The following COL6A3 variants were observed in gnomAD, a reference collection of about 807,000 sequenced individuals.
COL6A3 encodes collagen type VI alpha 3 chain, also known as collagen alpha-3(VI) chain.
A neutral mutation model predicts 274.1 loss-of-function variants in COL6A3; 137 were observed. The ratio of observed to expected loss-of-function variants is 0.50; its 90% confidence interval spans 0.44 to 0.58. COL6A3 has a LOEUF of 0.58. Among genes scored for constraint, COL6A3 ranks in the 20% least tolerant of loss-of-function variants. The pLI, the probability that COL6A3 is intolerant of heterozygous loss-of-function variation, is 0.00. For missense variants in COL6A3, 3,950 were observed against 4,124.9 expected (o/e 0.96, Z 1.16); for synonymous variants, 1,650 against 1,650.6 (o/e 1.00, Z 0.01).
In COL6A3 at chr2:237,325,632, A is replaced by G. The variant is rs376564469; in HGVS notation, c.9421T>C (p.Trp3141Arg). Reference protein sequence around the residue: ...DPNTKSCARFWYGGCGGNENK... With the variant: ...DPNTKSCARFRYGGCGGNENK... The stretch of plus-strand genomic sequence containing the variant: ...TCGTTTCCACCACAACCTCCATACC[A>G]GAATCTTGCACAGCTTTTGGTGTTT... Residue 3141 changes from tryptophan (W) to arginine (R), a missense_variant, in exon 43 of 44, where the codon TGG becomes CGG. Around this residue, in one of 5 missense-constraint regions of COL6A3, gnomAD observed 1,284 missense variants for 1,349.7 expected, o/e 0.95. Coordinates refer to ENST00000295550, the MANE Select transcript of COL6A3 (RefSeq NM_004369.4). The G allele has an allele frequency of 1.2e-6, 2 of 1,614,094 alleles. No homozygotes were observed. The highest frequency in any genetic ancestry group is 2.7e-5 in the African/African-American group (2 of 74,934).
chr2:237,404,945 TGGA>T (rs1393534370), intron 1 of COL6A3, among the ~76,000 whole-genome samples: 1 of 152,188 alleles, frequency 6.6e-6, no homozygotes, highest in Admixed American at 6.5e-5. Context: ...TGTGAATCTT[TGGA>T]GGAGTAGCCC....
intron 1 of COL6A3, among the ~76,000 whole-genome samples, chr2:237,397,159 G>A (rs576969570): frequency 1.1e-4 from 16 of 139,572 alleles, no homozygotes; most frequent in Middle Eastern, 4.0e-3. Flanking sequence ...GGAAGAGAAG[G>A]GAAGGGAAGG....
intron 4 of COL6A3, among the ~76,000 whole-genome samples, chr2:237,384,589 C>T (rs145134144): frequency 1.3e-5 from 2 of 152,080 alleles, no homozygotes; most frequent in Non-Finnish European, 2.9e-5. Context: ...ACTCCAGACC[C>T]CCATCAGGAG....
At chr2:237,327,581 A>T (rs1307928505) in intron 42 of COL6A3, 1 of 152,200 alleles carries the variant, frequency 6.6e-6, no homozygotes, top group African/African-American at 2.4e-5. Context: ...TTACTAGTGG[A>T]AAATAAGGAC....
At chr2:237,402,712 G>A (rs1004781724) in intron 1 of COL6A3, among the ~76,000 whole-genome samples, 2 of 152,160 alleles carry the variant, frequency 1.3e-5, no homozygotes, top group African/African-American at 4.8e-5. Context: ...CATGAAAGTG[G>A]GAAAGAATCT....
intron 9 of COL6A3, among the ~76,000 whole-genome samples, chr2:237,370,528 C>G (rs936217049): frequency 6.6e-6 from 1 of 152,182 alleles, no homozygotes; most frequent in Non-Finnish European, 1.5e-5. Context: ...TGAGCCACCA[C>G]GCCCAGCCTA....
At position 237,340,713 on chromosome 2, in the gene COL6A3, C is replaced by A. The variant is rs777282155; in HGVS notation, c.8203G>T (p.Asp2735Tyr). 4.3e-6 allele frequency: 7 copies of A among 1,614,084 alleles called. No individual in the cohort carries two copies. The highest frequency in any genetic ancestry group is 5.9e-6 in the Non-Finnish European group (7 of 1,180,052). Residue 2735 changes from aspartate to tyrosine, a missense_variant, in exon 38 of 44, where the codon GAC becomes TAC. Asp to Tyr is a radical substitution (Grantham distance 160, BLOSUM62 -3). Around this residue, in one of 5 missense-constraint regions of COL6A3, gnomAD observed 1,284 missense variants for 1,349.7 expected, o/e 0.95. Coordinates refer to ENST00000295550, the MANE Select transcript of COL6A3 (RefSeq NM_004369.4). ...NVFESAPNPR[D>Y]LKIVVLMLTG... is the part of the protein sequence containing the mutation. ...AGCATCAGGACCACAATTTTCAGGT[C>A]CCGTGGGTTTGGGGCACTTTCAAAG...
At chr2:237,327,184 A>T (rs950298859) in intron 42 of COL6A3, 7 of 152,178 alleles carry the variant, frequency 4.6e-5, no homozygotes, top group Admixed American at 1.3e-4. Flanking sequence ...TAACCATCAA[A>T]ATTTATTCCT....
rs752144727 is a variant in COL6A3 at position 237,363,320 on chromosome 2, C to T, written c.5996G>A (p.Gly1999Glu). Residue 1999 changes from glycine (G) to glutamate (E), a missense_variant, in exon 14 of 44, where the codon GGG (glycine) becomes GAG (glutamate). This residue lies in a region of COL6A3 where 632 missense variants were observed against 623.4 expected (regional missense o/e 1.01). Coordinates refer to ENST00000295550, the MANE Select transcript of COL6A3 (RefSeq NM_004369.4). ...CCTCAGGGGCCTGTCATACATAAAC[C>T]CTCGCCCAAACTCCAGATGCATTAG... is the stretch of plus-strand genomic sequence containing the variant. ...ERLMHLEFGR[G>E]FMYDRPLRLN... The T allele has an allele frequency of 1.2e-6, 2 of 1,613,934 alleles. No homozygotes were observed. The highest frequency in any genetic ancestry group is 1.7e-6 in the Non-Finnish European group (2 of 1,180,014).
intron 42 of COL6A3, among the ~76,000 whole-genome samples, chr2:237,332,117 A>ATATG (rs35490728): frequency 0.013 from 836 of 64,170 alleles, 188 homozygotes; most frequent in Middle Eastern, 0.024. Flanking sequence ...ATATATATAT[A>ATATG]TGAAAAGAAA....
chr2:237,350,045 C>A (rs75203227), intron 28 of COL6A3, 102 bp downstream of exon 28: 3 of 1,105,708 alleles, frequency 2.7e-6, no homozygotes, highest in Non-Finnish European at 4.2e-6. Flanking sequence ...CCCAATAATA[C>A]AAGAAGCAAG....
At chr2:237,337,049 A>C (rs1443101012) in intron 39 of COL6A3, among the ~76,000 whole-genome samples, 1 of 152,078 alleles carries the variant, frequency 6.6e-6, no homozygotes, top group Non-Finnish European at 1.5e-5. Flanking sequence ...ATTTTTGTGT[A>C]TGTGTATTTT....
intron 4 of COL6A3, 80 bp downstream of exon 4, chr2:237,387,502 C>T: frequency 1.2e-6 from 2 of 1,606,106 alleles, no homozygotes; most frequent in Non-Finnish European, 1.7e-6. Flanking sequence ...GCGAATCATG[C>T]TGGTACCCAC....
At chr2:237,343,011 T>C (rs1364717542) in intron 36 of COL6A3, 2 of 152,284 alleles carry the variant, frequency 1.3e-5, no homozygotes, top group East Asian at 3.9e-4. Context: ...CCTGCCCCAG[T>C]CTCAATTTAC....
At chr2:237,360,493 C>T (rs1169842983) in intron 16 of COL6A3, among the ~76,000 whole-genome samples, 4 of 152,158 alleles carry the variant, frequency 2.6e-5, no homozygotes, top group Non-Finnish European at 5.9e-5. Context: ...ACAGCTCCTC[C>T]AAGTGATGCT....
In COL6A3 at chr2:237,344,584, C is replaced by A. The variant is rs776779589; in HGVS notation, c.7434G>T (p.Val2478=). ...VLLDKIKNLQ[V]ALTSKQQSLE... is the part of the protein sequence containing the mutation. Reference sequence around the variant, plus strand: ...GACTCTGCTGTTTGGATGTCAGAGCCACCTGAAGGTTCTTAATCTTGTCCA... The same window carrying A: ...GACTCTGCTGTTTGGATGTCAGAGCAACCTGAAGGTTCTTAATCTTGTCCA... The change falls in exon 36 of 44, where the codon GTG becomes GTT. Residue 2478 remains valine, a synonymous_variant. Coordinates refer to ENST00000295550, the MANE Select transcript of COL6A3 (RefSeq NM_004369.4). This position sits in a 1 kb window ranked among gnomAD's most constrained non-coding sequence, Gnocchi z 4.8. 6.2e-7 allele frequency: 1 copy of A among 1,614,190 alleles called. No individual in the cohort carries two copies. The highest frequency in any genetic ancestry group is 1.7e-5 in the Admixed American group (1 of 60,024).
chr2:237,361,269 C>A lies in COL6A3; in HGVS notation c.6157-95G>T. The A allele has an allele frequency of 9.2e-7, 1 of 1,085,930 alleles. No homozygotes were observed. Among genetic ancestry groups the A allele is most frequent in the African/African-American group, 1.6e-5 (1 of 64,420 alleles). 67.3% of individuals were successfully genotyped at this position (1,085,930 alleles called of 1,614,324 possible). ...GGTCCCCCTTCATTTGGCAGAGCAG[C>A]ACTAAAACTCAGCATGGCTTTCCCT... On this transcript the variant is annotated intron_variant, in intron 15 of 43. Transcript: ENST00000295550. This position sits in a 1 kb window ranked among gnomAD's most constrained non-coding sequence, Gnocchi z 5.1.
rs768565371 is a variant in COL6A3, at chr2:237,387,644, G to C, written c.1250C>G (p.Pro417Arg). The change falls in exon 4 of 44, where the codon CCG becomes CGG. Residue 417 changes from proline (P) to arginine (R), a missense_variant. Transcript: ENST00000295550. ...CCTTTGGGCCACGCCAACAATGTAC[G>C]GCAGTAATTTCTCCTGGAGGTCCCC... ...SFGDLQEKLLPYIVGVAQRHI... is the reference protein window; with the variant it reads ...SFGDLQEKLLRYIVGVAQRHI... 1 of 1,613,736 alleles carries C rather than the reference G, an allele frequency of 6.2e-7. No individual in the cohort carries two copies. The highest frequency in any genetic ancestry group is 2.2e-5 in the East Asian group (1 of 44,870).
rs2078745398 is a variant in COL6A3 at position 237,407,319 on chromosome 2, G to A, written c.-31+6634C>T. On this transcript the variant is annotated intron_variant, in intron 1 of 43. Coordinates refer to ENST00000295550, the MANE Select transcript of COL6A3 (RefSeq NM_004369.4). This position sits in a 1 kb window ranked among gnomAD's most constrained non-coding sequence, Gnocchi z 4.3. ...TTTAAAACTCTTCTCATCAGGCAGG[G>A]TAACTAGACCTCCTTTGTCACCTAC... Among the ~76,000 whole-genome samples the A allele has an allele frequency of 6.6e-6, 1 of 152,206 alleles. No individual in the cohort carries two copies. The highest frequency in any genetic ancestry group is 1.5e-5 in the Non-Finnish European group (1 of 68,042).
Sources: allele counts gnomAD v4.1 joint callset (sites outside exome capture counted in the v4.1 genomes callset), GRCh38; gene constraint gnomAD v4.1.1; regional missense constraint gnomAD v4.1.1; non-coding constraint Gnocchi (gnomAD v3.1); transcripts MANE v1.5; gene names NCBI Gene and HGNC (gene_info 2026-07-23, HGNC 2026-07-21).